ADGB: variants seen among roughly 807,000 people sequenced by gnomAD.
The protein encoded by ADGB is androglobin, also known as calpain-7-like protein.
ADGB carries 172 observed loss-of-function variants against 210.5 expected under a neutral mutation model. That is an observed-to-expected ratio of 0.82 (90% confidence interval 0.72 to 0.93). The LOEUF is 0.93. ADGB is among the 40% of genes least tolerant of loss of function. The pLI is 0.00. For missense variants in ADGB, 2,025 were observed against 1,964.8 expected (o/e 1.03, Z -0.58); for synonymous variants, 658 against 662.7 (o/e 0.99, Z 0.11).
At chr6:146,638,072 T>C (rs9373502) in intron 2 of ADGB, among the ~76,000 whole-genome samples, 1 of 151,826 alleles carries the variant, frequency 6.6e-6, no homozygotes, top group Non-Finnish European at 1.5e-5. Context: ...AGGATGCAAG[T>C]TTGGTTCAAC....
Position 146,728,524 on chromosome 6 carries a change from G to A in ADGB, c.2353-50G>A, listed in dbSNP as rs143764621. 512 of 1,498,516 alleles carry A rather than the reference G, an allele frequency of 3.4e-4. 6 individuals are homozygous for A. In the African/African-American group the frequency reaches 6.3e-3, roughly 19 times the overall value. The allele number at this position is 1,498,516 out of a possible 1,614,324, so 92.8% of individuals were successfully genotyped here. On this transcript the variant is annotated intron_variant, in intron 19 of 35. Coordinates refer to ENST00000397944, the MANE Select transcript of ADGB (RefSeq NM_024694.4). ...AACAGATATTAATTTGTATAAACTA[G>A]ATGACACTTAAGGATGAGTGAGGAT...
chr6:146,684,509 C>T (rs1482241262), intron 9 of ADGB, among the ~76,000 whole-genome samples: 1 of 152,050 alleles, frequency 6.6e-6, no homozygotes, highest in Non-Finnish European at 1.5e-5. Flanking sequence ...GTGGGTATCT[C>T]AAATGGTCTT....
chr6:146,663,913 A>G (rs1321931435), intron 5 of ADGB, among the ~76,000 whole-genome samples: 1 of 152,058 alleles, frequency 6.6e-6, no homozygotes, highest in Non-Finnish European at 1.5e-5. Flanking sequence ...AAACACCTCA[A>G]TTTCCTGCAT....
At chr6:146,678,437 G>C (rs1776113012) in intron 9 of ADGB, among the ~76,000 whole-genome samples, 1 of 152,116 alleles carries the variant, frequency 6.6e-6, no homozygotes, top group Admixed American at 6.6e-5. Context: ...ATGTTGGCCA[G>C]ACTGGTCTCA....
intron 2 of ADGB, among the ~76,000 whole-genome samples, chr6:146,642,589 A>C (rs1294745927): frequency 6.6e-6 from 1 of 152,024 alleles, no homozygotes; most frequent in Non-Finnish European, 1.5e-5. Context: ...ATAAAAAAGA[A>C]CAAGATCGTG....
chr6:146,793,833 A>G (rs1472304540), intron 33 of ADGB, among the ~76,000 whole-genome samples: 2 of 152,190 alleles, frequency 1.3e-5, no homozygotes, highest in Admixed American at 1.3e-4. Flanking sequence ...TCTTCCCCTA[A>G]GAAGGTACAA....
chr6:146,726,068 A>G lies in ADGB; in HGVS notation c.2238-15A>G. On this transcript the variant is annotated splice_polypyrimidine_tract_variant and intron_variant, in intron 18 of 35. Coordinates refer to ENST00000397944, the MANE Select transcript of ADGB (RefSeq NM_024694.4). ...AGGAAGCACTCGGTTATCATCCGGC[A>G]TCCCTTCTCTTTAGGAGACACATGC... is the stretch of plus-strand genomic sequence containing the variant. The G allele has an allele frequency of 2.7e-6, 4 of 1,483,432 alleles. No individual in the cohort carries two copies. The highest frequency in any genetic ancestry group is 3.7e-6 in the Non-Finnish European group (4 of 1,090,920). 91.9% of individuals were successfully genotyped at this position (1,483,432 alleles called of 1,614,324 possible).
intron 8 of ADGB, among the ~76,000 whole-genome samples, chr6:146,674,838 T>G (rs2114905856): frequency 6.6e-6 from 1 of 152,300 alleles, no homozygotes; most frequent in Non-Finnish European, 1.5e-5. Flanking sequence ...AGCACTGTTG[T>G]ATTCTATCCA....
chr6:146,647,098 C>A (rs9497586), intron 3 of ADGB, among the ~76,000 whole-genome samples: 28,524 of 122,966 alleles, frequency 0.23, 4,320 homozygotes, highest in African/African-American at 0.4. Flanking sequence ...CAAAAAAAAA[C>A]AAAAAACAAA....
chr6:146,696,077 CT>C (rs754311689), intron 12 of ADGB, among the ~76,000 whole-genome samples: 461 of 144,462 alleles, frequency 3.2e-3, no homozygotes, highest in Middle Eastern at 7.5e-3. Flanking sequence ...GTAAGAAATA[CT>C]TTTTTTTTTT....
At chr6:146,745,262 C>G (rs1314822304) in intron 25 of ADGB, among the ~76,000 whole-genome samples, 1 of 152,116 alleles carries the variant, frequency 6.6e-6, no homozygotes, top group East Asian at 1.9e-4. Flanking sequence ...CTCAGAATTA[C>G]TTTGAACATT....
intron 1 of ADGB, among the ~76,000 whole-genome samples, chr6:146,623,999 A>G (rs1780937129): frequency 6.6e-6 from 1 of 151,784 alleles, no homozygotes; most frequent in African/African-American, 2.4e-5. Context: ...TATTTTTTGC[A>G]TCTATGTTCA....
At chr6:146,651,585 G>A (rs1330532716) in intron 3 of ADGB, among the ~76,000 whole-genome samples, 1 of 152,106 alleles carries the variant, frequency 6.6e-6, no homozygotes. Context: ...TCTTCCAATG[G>A]CTATCTTGAA....
intron 7 of ADGB, among the ~76,000 whole-genome samples, chr6:146,670,838 C>G (rs1775996838): frequency 6.6e-6 from 1 of 152,050 alleles, no homozygotes; most frequent in African/African-American, 2.4e-5. Flanking sequence ...TTTTTAAAGG[C>G]TATACTAGAA....
intron 32 of ADGB, among the ~76,000 whole-genome samples, 161 bp from the exon 33 acceptor site, chr6:146,788,228 T>C (rs1777905949): frequency 6.6e-6 from 1 of 152,182 alleles, no homozygotes; most frequent in South Asian, 2.1e-4. Context: ...GTCAGCCTTC[T>C]AGGGTGACAG....
Position 146,717,542 on chromosome 6 carries a change from A to T in ADGB, c.1935A>T (p.Ile645=), listed in dbSNP as rs544580139. Reference sequence around the variant, plus strand: ...AAAAATGTCTTTCTTTCAGAAATATATATATTTTCCACAAGCCAAGTTCAT... The same window carrying T: ...AAAAATGTCTTTCTTTCAGAAATATTTATATTTTCCACAAGCCAAGTTCAT... ...FEDFCVCFQN[I]YIFHKPSSYC... Residue 645 remains isoleucine (I), a synonymous_variant, in exon 16 of 36, where the codon ATA becomes ATT. Transcript: ENST00000397944. The T allele has an allele frequency of 2.0e-4, 279 of 1,389,120 alleles. 3 individuals are homozygous for T. Among genetic ancestry groups the T allele is most frequent in the South Asian group, 1.8e-3 (134 of 74,944 alleles). 86.0% of individuals were successfully genotyped at this position (1,389,120 alleles called of 1,614,324 possible). A position where few individuals can be genotyped will look rare whatever the true frequency, so the allele number is the denominator to read the frequency against.
chr6:146,744,286 C>A (rs1777197863), intron 25 of ADGB, among the ~76,000 whole-genome samples: 1 of 152,142 alleles, frequency 6.6e-6, no homozygotes, highest in African/African-American at 2.4e-5. Flanking sequence ...AGTTGTATAA[C>A]TTAGCAATCT....
chr6:146,625,136 G>A (rs576058321), intron 1 of ADGB, among the ~76,000 whole-genome samples: 4 of 151,884 alleles, frequency 2.6e-5, no homozygotes, highest in African/African-American at 7.2e-5. Context: ...TTTTTGATTG[G>A]CTTATTCTAT....
chr6:146,645,984 T>C (rs1351369621), intron 3 of ADGB, among the ~76,000 whole-genome samples: 1 of 152,154 alleles, frequency 6.6e-6, no homozygotes, highest in Admixed American at 6.6e-5. Flanking sequence ...ATAATGTATT[T>C]AATATTAATG....
Sources: gnomAD v4.1 joint callset for allele counts (sites outside exome capture counted in the v4.1 genomes callset) on GRCh38, gnomAD v4.1.1 for gene constraint, MANE v1.5 for transcripts, NCBI Gene and HGNC (gene_info 2026-07-23, HGNC 2026-07-21) for gene names.